IFNGR1: variants seen among roughly 807,000 people sequenced by gnomAD.
IFNGR1 encodes AVP, type 2.
IFNGR1 carries 23 observed loss-of-function variants against 35.4 expected under a neutral mutation model. That is an observed-to-expected ratio of 0.65 (90% CI 0.47 to 0.92). The LOEUF is 0.92. IFNGR1 is among the 40% of genes least tolerant of loss of function. The pLI is 0.00. For synonymous variants in IFNGR1, 199 were observed against 209.5 expected (o/e 0.95, Z 0.43); for missense variants, 533 against 583.4 (o/e 0.91, Z 0.89).
chr6:137,205,174 T>C (rs574354054), intron 3 of IFNGR1, among the ~76,000 whole-genome samples: 3 of 152,072 alleles, frequency 2.0e-5, no homozygotes, highest in South Asian at 2.1e-4. Context: ...TATGACAAAA[T>C]TGTGGACTCT....
At chr6:137,212,826 C>A (rs1779607783) in intron 1 of IFNGR1, among the ~76,000 whole-genome samples, 1 of 152,112 alleles carries the variant, frequency 6.6e-6, no homozygotes, top group African/African-American at 2.4e-5. Context: ...TAGACTAGGA[C>A]AAGGACTTAA....
At chr6:137,218,583 T>G (rs955468508) in intron 1 of IFNGR1, 2 of 970,808 alleles carry the variant, frequency 2.1e-6, no homozygotes, top group African/African-American at 3.6e-5. Context: ...CCCTAAGCAC[T>G]TTGAGTCCCC....
intron 6 of IFNGR1, among the ~76,000 whole-genome samples, chr6:137,199,232 A>T (rs1779177829): frequency 1.4e-5 from 2 of 147,544 alleles, no homozygotes; most frequent in African/African-American, 2.5e-5. Context: ...GGGACCTCTG[A>T]TCGTGTGAGT....
intron 3 of IFNGR1, among the ~76,000 whole-genome samples, chr6:137,204,917 C>A (rs1779395241): frequency 6.6e-6 from 1 of 152,170 alleles, no homozygotes; most frequent in African/African-American, 2.4e-5. Context: ...CTTCCCTCAT[C>A]AAAACTCTTT....
intron 1 of IFNGR1, among the ~76,000 whole-genome samples, chr6:137,211,253 G>C (rs1223919760): frequency 6.6e-6 from 1 of 151,896 alleles, no homozygotes; most frequent in African/African-American, 2.4e-5. Context: ...GAGAAACCCT[G>C]CTTTATGTTT....
rs1477839794 is a variant in IFNGR1, at chr6:137,198,470, T to C, written c.1031A>G (p.Glu344Gly). The C allele has an allele frequency of 6.2e-7, 1 of 1,614,076 alleles. No individual in the cohort carries two copies. Among genetic ancestry groups the C allele is most frequent in the African/African-American group, 1.3e-5 (1 of 74,934 alleles). ...TATACTAGAAAGTTCTTCTGTATGT[T>C]CCACTTTTCCTGGATTGTCTTCGGT... The part of the protein sequence containing the change: ...MHTEDNPGKV[E>G]HTEELSSITE... The change falls in exon 7 of 7, where the codon GAA becomes GGA. Residue 344 changes from glutamate to glycine, a missense_variant. By Grantham distance (98) the Glu-to-Gly change is moderately conservative (BLOSUM62 -2). Transcript: ENST00000367739.
intron 1 of IFNGR1, chr6:137,215,165 GA>G: frequency 7.1e-7 from 1 of 1,411,594 alleles, no homozygotes; most frequent in Admixed American, 2.4e-5. Flanking sequence ...AAGGCTTAGA[GA>G]AGTTACGTAA....
intron 1 of IFNGR1, among the ~76,000 whole-genome samples, chr6:137,211,347 T>A (rs942733674): frequency 6.6e-6 from 1 of 152,258 alleles, no homozygotes; most frequent in African/African-American, 2.4e-5. Flanking sequence ...GTATATTTCA[T>A]GGCTCCCCTC....
intron 6 of IFNGR1, among the ~76,000 whole-genome samples, chr6:137,199,496 A>AATT (rs1303321359): frequency 2.9e-5 from 1 of 34,258 alleles, no homozygotes; most frequent in African/African-American, 6.3e-5. Flanking sequence ...AATATATTAT[A>AATT]TAAAATATAT....
intron 1 of IFNGR1, among the ~76,000 whole-genome samples, chr6:137,214,000 T>A (rs1364950885): frequency 1.3e-5 from 2 of 152,198 alleles, no homozygotes; most frequent in East Asian, 3.8e-4. Context: ...CTCACCAACC[T>A]CTTCATGGGA....
Position 137,198,172 on chromosome 6 carries a change from T to C in IFNGR1, c.1329A>G (p.Gln443=). ...GGGCTTTTATTACGGTTATGAGCTC[T>C]TGTCCTTCTGTTTTTATTTCACCTT... ...NNKGEIKTEG[Q]ELITVIKAPT... is the part of the protein sequence containing the mutation. The change falls in exon 7 of 7, where the codon CAA becomes CAG. Residue 443 remains glutamine (Q), a synonymous_variant. Coordinates refer to ENST00000367739, the MANE Select transcript of IFNGR1 (RefSeq NM_000416.3). 1 of 1,614,180 alleles carries C rather than the reference T, an allele frequency of 6.2e-7. No individual in the cohort carries two copies. The highest frequency in any genetic ancestry group is 2.2e-5 in the East Asian group (1 of 44,882).
rs536961380 is a variant in IFNGR1 at position 137,211,212 on chromosome 6, T to C, written c.86-4135A>G. Among the ~76,000 whole-genome samples the C allele has an allele frequency of 4.6e-5, 7 of 152,126 alleles. No individual in the cohort carries two copies. The South Asian group carries it at 1.2e-3, about 27-fold the overall frequency. ...AGACAGCCTCCACAACAAAAAATAA[T>C]ATAGCCCCAAATGCCAGCAGTGCCA... On this transcript the variant is annotated intron_variant, in intron 1 of 6. Coordinates refer to ENST00000367739, the MANE Select transcript of IFNGR1 (RefSeq NM_000416.3).
rs146720776 is a variant in IFNGR1, at chr6:137,212,636, G to A, written c.86-5559C>T. Among the ~76,000 whole-genome samples, 13 of 152,232 alleles carry A rather than the reference G, an allele frequency of 8.5e-5. No individual in the cohort carries two copies. The East Asian group carries it at 2.5e-3, about 29-fold the overall frequency. ...CAACCTGAAATTCCTGTGAGAAAAA[G>A]GCATATAGAAGTCAATCTGCATACT... is the stretch of plus-strand genomic sequence containing the variant. On this transcript the variant is annotated intron_variant, in intron 1 of 6. Coordinates refer to ENST00000367739, the MANE Select transcript of IFNGR1 (RefSeq NM_000416.3).
intron 1 of IFNGR1, among the ~76,000 whole-genome samples, chr6:137,214,330 T>C (rs539328808): frequency 6.6e-6 from 1 of 152,330 alleles, no homozygotes; most frequent in South Asian, 2.1e-4. Flanking sequence ...CCCTCCCGAA[T>C]GGCTTCCAGT....
At chr6:137,206,785 G>T (rs1027711597) in intron 2 of IFNGR1, 178 bp downstream of exon 2, 5 of 605,150 alleles carry the variant, frequency 8.3e-6, no homozygotes, top group Non-Finnish European at 1.5e-5. Flanking sequence ...TAAGGAAGAG[G>T]AAATAAGAGG....
At chr6:137,210,078 C>A in intron 1 of IFNGR1, 1 of 378,038 alleles carries the variant, frequency 2.6e-6, no homozygotes, top group East Asian at 3.8e-5. Flanking sequence ...GGGCCAGGTG[C>A]GGTGGCCCAC....
chr6:137,199,538 AT>A (rs1779219527), intron 6 of IFNGR1, among the ~76,000 whole-genome samples: 42 of 46,832 alleles, frequency 9.0e-4, no homozygotes, highest in Admixed American at 1.7e-3. Context: ...AATATATAAT[AT>A]ATATTATATA....
intron 1 of IFNGR1, chr6:137,218,479 TCCA>T (rs1255982353): frequency 7.8e-7 from 1 of 1,288,480 alleles, no homozygotes; most frequent in Non-Finnish European, 1.0e-6. Context: ...GTGCCGGCAA[TCCA>T]CCACTTCCAG....
rs778600361 is a variant in IFNGR1 at position 137,219,363 on chromosome 6, G to C, written c.-36C>G. 2.5e-6 allele frequency: 4 copies of C among 1,578,814 alleles called. No individual in the cohort carries two copies. The highest frequency in any genetic ancestry group is 4.6e-5 in the East Asian group (2 of 43,400). ...ACGGTCGCTGGCTCCAACCCCGAGC[G>C]CCTGCGGGACCAGCCCAGCACTGCC... On this transcript the variant is annotated 5_prime_UTR_variant, in exon 1 of 7. Coordinates refer to ENST00000367739, the MANE Select transcript of IFNGR1 (RefSeq NM_000416.3).
Sources: allele counts gnomAD v4.1 joint callset (sites outside exome capture counted in the v4.1 genomes callset), GRCh38; gene constraint gnomAD v4.1.1; transcripts MANE v1.5; gene names NCBI Gene and HGNC (gene_info 2026-07-23, HGNC 2026-07-21).